NELL1: variants seen among roughly 807,000 people sequenced by gnomAD.
The protein encoded by NELL1 is protein kinase C-binding protein NELL1.
Under a neutral mutation model 107.4 loss-of-function variants are expected in NELL1, and 76 were observed. That is an observed-to-expected ratio of 0.71 (90% CI 0.59 to 0.86). The LOEUF (loss-of-function observed/expected upper bound fraction) is 0.86. Ranked by LOEUF, NELL1 falls within the 40% of genes least tolerant of loss-of-function variation. The pLI is 0.00. For missense variants in NELL1, 1,024 were observed against 1,005.5 expected (o/e 1.02, Z -0.25); for synonymous variants, 353 against 341.2 (o/e 1.03, Z -0.38).
At chr11:21,085,119 GTTTAGCTA>G (rs1253218042) in intron 12 of NELL1, among the ~76,000 whole-genome samples, 2 of 152,084 alleles carry the variant, frequency 1.3e-5, no homozygotes, top group African/African-American at 4.8e-5. Context: ...GTGTTTACAT[GTTTAGCTA>G]TTCATCTAAA....
chr11:21,017,167 G>A (rs1852584640), intron 12 of NELL1, among the ~76,000 whole-genome samples: 1 of 152,012 alleles, frequency 6.6e-6, no homozygotes, highest in South Asian at 2.1e-4. Context: ...CCAATGACGG[G>A]CACTGGCACA....
At chr11:21,535,249 T>G (rs1021387679) in intron 16 of NELL1, among the ~76,000 whole-genome samples, 1 of 152,096 alleles carries the variant, frequency 6.6e-6, no homozygotes, top group Admixed American at 6.6e-5. Flanking sequence ...CATAACTGTT[T>G]CCATGAGAAC....
At chr11:21,108,973 A>C (rs765754713) in intron 12 of NELL1, among the ~76,000 whole-genome samples, 1 of 152,150 alleles carries the variant, frequency 6.6e-6, no homozygotes, top group Non-Finnish European at 1.5e-5. Flanking sequence ...TCATAGCATC[A>C]AAATGTTATT....
chr11:21,382,653 AC>A (rs1344681415), intron 15 of NELL1, among the ~76,000 whole-genome samples: 2 of 151,880 alleles, frequency 1.3e-5, no homozygotes, highest in African/African-American at 2.4e-5. Context: ...TTGTCAGTCC[AC>A]CTTTCCATAG....
intron 4 of NELL1, among the ~76,000 whole-genome samples, chr11:20,883,400 T>G (rs1000228641): frequency 2.6e-5 from 4 of 152,236 alleles, no homozygotes; most frequent in Admixed American, 2.6e-4. Flanking sequence ...TAATAAATAT[T>G]GATTAAGGGC....
At chr11:21,329,639 A>G (rs1211324178) in intron 14 of NELL1, among the ~76,000 whole-genome samples, 1 of 152,162 alleles carries the variant, frequency 6.6e-6, no homozygotes, top group African/African-American at 2.4e-5. Context: ...TAAAGTATAC[A>G]TATAAGCCTT....
chr11:21,066,003 T>C (rs1332948935), intron 12 of NELL1, among the ~76,000 whole-genome samples: 1 of 152,228 alleles, frequency 6.6e-6, no homozygotes, highest in African/African-American at 2.4e-5. Context: ...TATTACAATT[T>C]ATCTGATTTG....
intron 15 of NELL1, among the ~76,000 whole-genome samples, chr11:21,457,170 A>G (rs1007054231): frequency 2.0e-5 from 3 of 152,186 alleles, no homozygotes; most frequent in African/African-American, 7.2e-5. Context: ...CAAGCAGGAA[A>G]TCTTGATTAG....
At chr11:21,398,318 G>A (rs980249447) in intron 15 of NELL1, among the ~76,000 whole-genome samples, 1 of 151,520 alleles carries the variant, frequency 6.6e-6, no homozygotes, top group African/African-American at 2.4e-5. Flanking sequence ...ATCTTTAAAT[G>A]TTCATTAAAA....
chr11:21,565,760 G>T (rs1481862664), intron 17 of NELL1, among the ~76,000 whole-genome samples: 2 of 151,906 alleles, frequency 1.3e-5, no homozygotes, highest in African/African-American at 4.8e-5. Flanking sequence ...AAAGGCATTT[G>T]CCTCTCTGGG....
At position 20,689,457 on chromosome 11, in the gene NELL1, C is replaced by T. The variant is rs996327618; in HGVS notation, c.184+11397C>T. On this transcript the variant is annotated intron_variant, in intron 2 of 19. Transcript: ENST00000357134. ...CCCCTCCCCCCACCCCACAACAGTCCCCAGAGTGTGATGTTCCCCTTCCTG... is the reference window on the plus strand; with the variant it reads ...CCCCTCCCCCCACCCCACAACAGTCTCCAGAGTGTGATGTTCCCCTTCCTG... Among the ~76,000 whole-genome samples, 15 of 120,310 alleles carry T rather than the reference C, an allele frequency of 1.2e-4. No individual in the cohort carries two copies. The Middle Eastern group carries it at 0.015, about 119-fold the overall frequency. 78.9% of individuals were successfully genotyped at this position (120,310 alleles called of 152,430 possible). A position where few individuals can be genotyped will look rare whatever the true frequency, so the allele number is the denominator to read the frequency against.
intron 13 of NELL1, among the ~76,000 whole-genome samples, chr11:21,121,757 C>T (rs918927218): frequency 6.6e-6 from 1 of 151,962 alleles, no homozygotes; most frequent in Non-Finnish European, 1.5e-5. Flanking sequence ...GTCACATACA[C>T]AAAAAATGAA....
chr11:21,445,396 G>A (rs755007324), intron 15 of NELL1, among the ~76,000 whole-genome samples: 2 of 151,856 alleles, frequency 1.3e-5, no homozygotes, highest in African/African-American at 2.4e-5. Context: ...GCGTGATCTC[G>A]GCTCACCACA....
chr11:21,312,676 A>G (rs1016157065), intron 14 of NELL1, among the ~76,000 whole-genome samples: 4 of 152,172 alleles, frequency 2.6e-5, no homozygotes, highest in African/African-American at 9.6e-5. Flanking sequence ...AGTCTCAGCA[A>G]TGCACAAGTA....
intron 2 of NELL1, among the ~76,000 whole-genome samples, chr11:20,705,582 T>C (rs529844058): frequency 0.15 from 21,523 of 141,052 alleles, 4,418 homozygotes; most frequent in African/African-American, 0.19. Flanking sequence ...ACCTAGGCAA[T>C]ACCATTCAGG....
At position 21,375,525 on chromosome 11, in the gene NELL1, A is replaced by C. The variant is rs373939755; in HGVS notation, c.1645+4577A>C. On this transcript the variant is annotated intron_variant, in intron 15 of 19. Coordinates refer to ENST00000357134, the MANE Select transcript of NELL1 (RefSeq NM_006157.5). ...AGTGCTGCAACGAACATGTGAGTGC[A>C]TGTGTCTTTTTGGTAGAAAGATTTG... is the stretch of plus-strand genomic sequence containing the variant. Among the ~76,000 whole-genome samples, 258 of 152,268 alleles carry C rather than the reference A, an allele frequency of 1.7e-3. 8 individuals are homozygous for C. In the South Asian group the frequency reaches 0.052, roughly 31 times the overall value.
intron 12 of NELL1, among the ~76,000 whole-genome samples, chr11:21,095,608 G>A (rs561658442): frequency 5.3e-5 from 8 of 152,080 alleles, no homozygotes; most frequent in East Asian, 1.9e-4. Flanking sequence ...AGTAAGTCAC[G>A]TCTTTTTTCT....
At chr11:20,829,383 CACCTGGCTAATT>C (rs1401723136) in intron 3 of NELL1, among the ~76,000 whole-genome samples, 1 of 152,030 alleles carries the variant, frequency 6.6e-6, no homozygotes, top group Non-Finnish European at 1.5e-5. Context: ...CCCGCCACCA[CACCTGGCTAATT>C]TTTGTATTTT....
intron 5 of NELL1, among the ~76,000 whole-genome samples, chr11:20,891,426 C>T (rs966514782): frequency 6.6e-6 from 1 of 152,072 alleles, no homozygotes; most frequent in Non-Finnish European, 1.5e-5. Flanking sequence ...ATATAAAGAC[C>T]AATGACACTA....
Sources: gnomAD v4.1 joint callset for allele counts (sites outside exome capture counted in the v4.1 genomes callset) on GRCh38, gnomAD v4.1.1 for gene constraint, MANE v1.5 for transcripts, NCBI Gene and HGNC (gene_info 2026-07-23, HGNC 2026-07-21) for gene names.